The following PTPN9 variants were observed in gnomAD, a reference collection of about 807,000 sequenced individuals.
PTPN9 encodes tyrosine-protein phosphatase non-receptor type 9.
In PTPN9, 26 loss-of-function variants were observed where a neutral mutation model predicts 69.8. The ratio of observed to expected loss-of-function variants is 0.37; its 90% CI spans 0.27 to 0.52. PTPN9 has a LOEUF of 0.52. Among genes scored for constraint, PTPN9 ranks in the 20% least tolerant of loss-of-function variants. The pLI, the probability that PTPN9 is intolerant of heterozygous loss-of-function variation, is 0.91. For synonymous variants in PTPN9, 274 were observed against 272.5 expected, an observed-to-expected ratio of 1.01 and a Z score of -0.05; for missense variants, 549 against 740.3, an observed-to-expected ratio of 0.74 and a Z score of 3.00.
At position 75,469,860 on chromosome 15, in the gene PTPN9, G is replaced by A. The variant is rs748783045; in HGVS notation, c.1499C>T (p.Ala500Val). ...QQSLAVSNMGARSKGQCPEPP... is the reference protein window; with the variant it reads ...QQSLAVSNMGVRSKGQCPEPP... ...CTCAGGGCACTGCCCTTTGGAGCGT[G>A]CTCCCATGTTGCTCACAGCCAGACT... The change falls in exon 12 of 13, where the codon GCA (alanine) becomes GTA (valine). Residue 500 changes from alanine to valine, a missense_variant. Ala to Val is a moderately conservative substitution (Grantham distance 64, BLOSUM62 0). Around this residue, in one of 3 missense-constraint regions of PTPN9, gnomAD observed 457 missense variants for 661.9 expected, o/e 0.69. Coordinates refer to ENST00000618819, the MANE Select transcript of PTPN9 (RefSeq NM_002833.4). 2 of 1,613,870 alleles carry A rather than the reference G, an allele frequency of 1.2e-6. No homozygotes were observed. The highest frequency in any genetic ancestry group is 1.7e-5 in the Admixed American group (1 of 60,014).
intron 11 of PTPN9, 43 bp from the exon 12 acceptor site, chr15:75,470,042 C>G: frequency 6.5e-7 from 1 of 1,527,374 alleles, no homozygotes; most frequent in Non-Finnish European, 9.0e-7. Context: ...GTTATTTCTG[C>G]CTGCCCCTAG....
chr15:75,480,873 A>G, intron 8 of PTPN9: 1 of 283,456 alleles, frequency 3.5e-6, no homozygotes, highest in Non-Finnish European at 6.4e-6. Context: ...CCGAGATTGC[A>G]GCCTCTGCCC....
chr15:75,570,964 T>C (rs1438385198), intron 1 of PTPN9, among the ~76,000 whole-genome samples: 5 of 151,956 alleles, frequency 3.3e-5, no homozygotes, highest in Non-Finnish European at 5.9e-5. Flanking sequence ...TTTTTCGCTA[T>C]TCAAAAACGA....
intron 5 of PTPN9, chr15:75,512,779 AT>A: frequency 3.7e-6 from 1 of 269,166 alleles, no homozygotes; most frequent in Non-Finnish European, 7.4e-6. Context: ...CTATTCTCTC[AT>A]TTCCCCATCC....
chr15:75,559,337 A>G (rs2075093119), intron 1 of PTPN9, among the ~76,000 whole-genome samples: 1 of 151,972 alleles, frequency 6.6e-6, no homozygotes, highest in African/African-American at 2.4e-5. Context: ...GAAAAGGGGG[A>G]AATGTGGGGA....
At chr15:75,578,297 G>A (rs1224570888) in intron 1 of PTPN9, among the ~76,000 whole-genome samples, 3 of 152,182 alleles carry the variant, frequency 2.0e-5, no homozygotes, top group Non-Finnish European at 4.4e-5. Context: ...CCCACAGGAA[G>A]CACCCCCCAA....
chr15:75,504,645 G>A (rs2074804933), intron 7 of PTPN9, among the ~76,000 whole-genome samples: 1 of 145,106 alleles, frequency 6.9e-6, no homozygotes, highest in African/African-American at 2.5e-5. Flanking sequence ...GAGGTGGGGG[G>A]GTCAGCCCCC....
At chr15:75,529,434 A>G (rs2074945370) in intron 1 of PTPN9, among the ~76,000 whole-genome samples, 1 of 152,160 alleles carries the variant, frequency 6.6e-6, no homozygotes, top group Non-Finnish European at 1.5e-5. Context: ...CTCTATTCCC[A>G]ATCAACCCAC....
At chr15:75,570,830 A>G (rs2075145257) in intron 1 of PTPN9, among the ~76,000 whole-genome samples, 1 of 152,070 alleles carries the variant, frequency 6.6e-6, no homozygotes, top group Non-Finnish European at 1.5e-5. Context: ...TAAAAACTAC[A>G]CTATAAAAAT....
In PTPN9 at chr15:75,468,964, G is replaced by A. The variant is rs201642775; in HGVS notation, c.1587C>T (p.Asp529=). Reference sequence around the variant, plus strand: ...GCTCCTCCAGCTGTGCCAGGCAGATGTCCAGTGAGCAGAAGGTACCTGAAG... The same window carrying A: ...GCTCCTCCAGCTGTGCCAGGCAGATATCCAGTGAGCAGAAGGTACCTGAAG... ...IGRTGTFCSL[D]ICLAQLEELG... The change falls in exon 13 of 13, where the codon GAC becomes GAT. Residue 529 remains aspartate (D), a synonymous_variant. Transcript: ENST00000618819. 1 of 1,613,624 alleles carries A rather than the reference G, an allele frequency of 6.2e-7. No homozygotes were observed. Among genetic ancestry groups the A allele is most frequent in the Non-Finnish European group, 8.5e-7 (1 of 1,179,546 alleles).
At chr15:75,491,536 C>T (rs74941324) in intron 7 of PTPN9, among the ~76,000 whole-genome samples, 1 of 152,082 alleles carries the variant, frequency 6.6e-6, no homozygotes, top group South Asian at 2.1e-4. Context: ...GTGGAAGCAG[C>T]TTTGGACCTG....
At chr15:75,508,182 C>G (rs182615116) in intron 6 of PTPN9, among the ~76,000 whole-genome samples, 1 of 151,384 alleles carries the variant, frequency 6.6e-6, no homozygotes, top group Non-Finnish European at 1.5e-5. Flanking sequence ...GACCATAAAT[C>G]TTTTAATCAT....
At chr15:75,553,496 C>T (rs999899076) in intron 1 of PTPN9, among the ~76,000 whole-genome samples, 2 of 152,188 alleles carry the variant, frequency 1.3e-5, no homozygotes, top group African/African-American at 4.8e-5. Context: ...AACACAGTAA[C>T]TTGCCTCTTC....
intron 8 of PTPN9, among the ~76,000 whole-genome samples, chr15:75,484,418 A>C (rs1043764316): frequency 6.6e-6 from 1 of 152,246 alleles, no homozygotes; most frequent in Non-Finnish European, 1.5e-5. Context: ...CCTGGACTCC[A>C]TTATTACCTG....
chr15:75,537,301 G>A (rs1415378996), intron 1 of PTPN9, among the ~76,000 whole-genome samples: 7 of 136,052 alleles, frequency 5.1e-5, no homozygotes, highest in East Asian at 2.2e-4. Context: ...GCAGTGAGCC[G>A]AGATCATGCC....
At chr15:75,507,748 C>T (rs190782918) in intron 6 of PTPN9, among the ~76,000 whole-genome samples, 43 of 151,102 alleles carry the variant, frequency 2.8e-4, no homozygotes, top group African/African-American at 9.5e-4. Context: ...GCCTGGGAGA[C>T]AGAGCGAGAC....
At chr15:75,555,406 A>G (rs1053777796) in intron 1 of PTPN9, among the ~76,000 whole-genome samples, 7 of 152,148 alleles carry the variant, frequency 4.6e-5, no homozygotes, top group Non-Finnish European at 1.0e-4. Flanking sequence ...GTTAAAATAC[A>G]TATTACTGGA....
At chr15:75,503,393 C>T (rs1449175767) in intron 7 of PTPN9, among the ~76,000 whole-genome samples, 3 of 142,530 alleles carry the variant, frequency 2.1e-5, no homozygotes, top group Non-Finnish European at 3.1e-5. Flanking sequence ...GGAGACCCTC[C>T]GCCCAGCATC....
chr15:75,562,391 G>A (rs11635996), intron 1 of PTPN9, among the ~76,000 whole-genome samples: 11,843 of 152,238 alleles, frequency 0.078, 655 homozygotes, highest in South Asian at 0.2. Flanking sequence ...CAAATGTCCA[G>A]GGAGAGCTAT....
Sources: allele counts gnomAD v4.1 joint callset (sites outside exome capture counted in the v4.1 genomes callset), GRCh38; gene constraint gnomAD v4.1.1; regional missense constraint gnomAD v4.1.1; transcripts MANE v1.5; gene names NCBI Gene and HGNC (gene_info 2026-07-23, HGNC 2026-07-21).